Variants in PCDHGB7 observed in about 807,000 individuals in gnomAD.
The protein encoded by PCDHGB7 is protocadherin gamma-B7.
PCDHGB7 carries 37 observed loss-of-function variants against 61.4 expected under a neutral mutation model. The observed-to-expected ratio is 0.60, with a 90% CI of 0.46 to 0.79. PCDHGB7 has a LOEUF of 0.79. Among genes scored for constraint, PCDHGB7 ranks in the 30% least tolerant of loss-of-function variants. The pLI is 0.00. For missense variants in PCDHGB7, 1,166 were observed against 1,202.5 expected (o/e 0.97, Z 0.45); for synonymous variants, 464 against 503.5 (o/e 0.92, Z 1.05).
intron 1 of PCDHGB7, chr5:141,422,676 A>C (rs1245488589): frequency 6.2e-7 from 1 of 1,606,500 alleles, no homozygotes; most frequent in Admixed American, 1.7e-5. Flanking sequence ...CGGACAGCAA[A>C]CAGAATGCCC....
rs1012790217 is a variant in PCDHGB7 at position 141,432,087 on chromosome 5, C to T, written c.2415+11813C>T. On this transcript the variant is annotated intron_variant, in intron 1 of 3. Coordinates refer to ENST00000398594, the MANE Select transcript of PCDHGB7 (RefSeq NM_018927.4). This position sits in a 1 kb window ranked among gnomAD's most constrained non-coding sequence, Gnocchi z 6.0. ...GAAACTCATATCTCGCTGAACGTGG[C>T]AGACACCAACGACAACCCGCCGGTC... is the stretch of plus-strand genomic sequence containing the variant. The T allele has an allele frequency of 2.5e-6, 4 of 1,614,060 alleles. No homozygotes were observed. The African/African-American group carries it at 4.0e-5, about 16-fold the overall frequency.
rs766227340 is a variant in PCDHGB7, at chr5:141,476,791, C to T, written c.2416-18016C>T. On this transcript the variant is annotated intron_variant, in intron 1 of 3. Transcript: ENST00000398594. The surrounding 1 kb of genome is among the most constrained non-coding windows in gnomAD (Gnocchi z 7.6). ...TGGACGGAGGGACCCCAGCTCTCTCCGCCAGCCTGCCTATTCACATCAAGG... is the reference window on the plus strand; with the variant it reads ...TGGACGGAGGGACCCCAGCTCTCTCTGCCAGCCTGCCTATTCACATCAAGG... 5.6e-6 allele frequency: 9 copies of T among 1,613,394 alleles called. No homozygotes were observed. Among genetic ancestry groups the T allele is most frequent in the Middle Eastern group, 1.6e-4 (1 of 6,084 alleles).
Position 141,486,677 on chromosome 5 carries a change from G to A in PCDHGB7, c.2416-8130G>A, listed in dbSNP as rs755512470. ...ACTCCTGGAGCCCAGGAATCGAGATGTATCAGCTTCCTCTTTCATCTCTCT... is the reference window on the plus strand; with the variant it reads ...ACTCCTGGAGCCCAGGAATCGAGATATATCAGCTTCCTCTTTCATCTCTCT... On this transcript the variant is annotated intron_variant, in intron 1 of 3. Transcript: ENST00000398594. This position sits in a 1 kb window ranked among gnomAD's most constrained non-coding sequence, Gnocchi z 5.0. The A allele has an allele frequency of 3.7e-6, 6 of 1,614,060 alleles. No individual in the cohort carries two copies. Among genetic ancestry groups the A allele is most frequent in the Middle Eastern group, 1.6e-4 (1 of 6,062 alleles).
In PCDHGB7 at chr5:141,432,012, A is replaced by G. The variant is rs756906117; in HGVS notation, c.2415+11738A>G. ...TTGGATAGGGAACAGGTTCCTAGCT[A>G]CAACATCACAGTGACCGCCACTGAC... On this transcript the variant is annotated intron_variant, in intron 1 of 3. Transcript: ENST00000398594. The surrounding 1 kb of genome is among the most constrained non-coding windows in gnomAD (Gnocchi z 6.0). The G allele has an allele frequency of 1.1e-5, 18 of 1,614,056 alleles. No homozygotes were observed. The highest frequency in any genetic ancestry group is 1.3e-5 in the Non-Finnish European group (15 of 1,180,008).
chr5:141,456,641 G>A (rs2098873674), intron 1 of PCDHGB7, among the ~76,000 whole-genome samples: 1 of 152,160 alleles, frequency 6.6e-6, no homozygotes, highest in South Asian at 2.1e-4. Context: ...TACTACAGGT[G>A]TTAATCCCAA....
intron 1 of PCDHGB7, among the ~76,000 whole-genome samples, chr5:141,480,866 G>A (rs1329444129): frequency 6.6e-6 from 1 of 152,142 alleles, no homozygotes; most frequent in Non-Finnish European, 1.5e-5. Flanking sequence ...CCAATATGGT[G>A]AAACCCCGTC....
At chr5:141,427,164 C>T (rs1171285271) in intron 1 of PCDHGB7, 1 of 456,682 alleles carries the variant, frequency 2.2e-6, no homozygotes, top group Non-Finnish European at 4.4e-6. Context: ...TGTGCTAGAC[C>T]ATCAAAATGG....
At chr5:141,498,967 GGGAGGGAAGGAAGGAAGGAA>G (rs1464205074) in intron 2 of PCDHGB7, among the ~76,000 whole-genome samples, 5 of 129,584 alleles carry the variant, frequency 3.9e-5, no homozygotes, top group African/African-American at 1.6e-4. Flanking sequence ...GAGGGAGGGA[GGGAGGGAAGGAAGGAAGGAA>G]GGAAGGAAGG....
At position 141,491,566 on chromosome 5, in the gene PCDHGB7, A is replaced by G; in HGVS notation, c.2416-3241A>G. Reference sequence around the variant, plus strand: ...AGACTCGCAGAGCCACTGCTACAGGACGTGCTTTTCACCGGCCTCGGACGG... The same window carrying G: ...AGACTCGCAGAGCCACTGCTACAGGGCGTGCTTTTCACCGGCCTCGGACGG... On this transcript the variant is annotated intron_variant, in intron 1 of 3. Transcript: ENST00000398594. This position sits in a 1 kb window ranked among gnomAD's most constrained non-coding sequence, Gnocchi z 6.9. 1 of 1,613,950 alleles carries G rather than the reference A, an allele frequency of 6.2e-7. No individual in the cohort carries two copies.
rs2096168680 is a variant in PCDHGB7 at position 141,417,840 on chromosome 5, A to G, written c.-20A>G. ...TCTCCAACTGGAAAAGCGGGGACCC[A>G]GCGAGAACCCGAGCGAACGATGGGA... On this transcript the variant is annotated 5_prime_UTR_variant, in exon 1 of 4. Transcript: ENST00000398594. 3 of 1,536,422 alleles carry G rather than the reference A, an allele frequency of 2.0e-6. No homozygotes were observed. Among genetic ancestry groups the G allele is most frequent in the African/African-American group, 2.8e-5 (2 of 72,568 alleles).
chr5:141,511,267 C>A lies in PCDHGB7; in HGVS notation c.*94C>A, dbSNP rs1223074819. The A allele has an allele frequency of 6.5e-7, 1 of 1,549,404 alleles. No individual in the cohort carries two copies. Among genetic ancestry groups the A allele is most frequent in the Non-Finnish European group, 8.7e-7 (1 of 1,146,836 alleles). Reference sequence around the variant, plus strand: ...CCAGGCCTCAGAGTTTCAGGGCTAACCCCCAGAATACTGGTAGGGGCCAAG... The same window carrying A: ...CCAGGCCTCAGAGTTTCAGGGCTAAACCCCAGAATACTGGTAGGGGCCAAG... On this transcript the variant is annotated 3_prime_UTR_variant, in exon 4 of 4. Coordinates refer to ENST00000398594, the MANE Select transcript of PCDHGB7 (RefSeq NM_018927.4).
At chr5:141,500,840 C>G (rs1394248251) in intron 2 of PCDHGB7, among the ~76,000 whole-genome samples, 1 of 151,966 alleles carries the variant, frequency 6.6e-6, no homozygotes, top group Non-Finnish European at 1.5e-5. Context: ...TGCTAATGGG[C>G]TTTTGCTACA....
chr5:141,463,308 A>G (rs1233755540), intron 1 of PCDHGB7, among the ~76,000 whole-genome samples: 1 of 151,660 alleles, frequency 6.6e-6, no homozygotes, highest in Admixed American at 6.6e-5. Context: ...CCAAACTCTA[A>G]TATCTATTCC....
chr5:141,500,445 G>A (rs1319009998), intron 2 of PCDHGB7, among the ~76,000 whole-genome samples: 1 of 151,816 alleles, frequency 6.6e-6, no homozygotes, highest in Non-Finnish European at 1.5e-5. Flanking sequence ...TCCTGACCTC[G>A]TGATCCGCCC....
rs1192896428 is a variant in PCDHGB7 at position 141,419,933 on chromosome 5, C to CTGG, written c.2081_2083dup (p.Val694dup). The CTGG allele has an allele frequency of 6.2e-7, 1 of 1,613,952 alleles. No homozygotes were observed. The highest frequency in any genetic ancestry group is 1.3e-5 in the African/African-American group (1 of 74,940). ...CTCCCAGGCTGAGATGCAGTTTTAC[C>CTGG]TGGTGGTGGCCTTGGCCTTGATTTC... is the stretch of plus-strand genomic sequence containing the variant. On this transcript the variant is annotated inframe_insertion, in exon 1 of 4. Coordinates refer to ENST00000398594, the MANE Select transcript of PCDHGB7 (RefSeq NM_018927.4).
At chr5:141,456,215 C>T (rs1465130067) in intron 1 of PCDHGB7, among the ~76,000 whole-genome samples, 2 of 152,048 alleles carry the variant, frequency 1.3e-5, no homozygotes, top group African/African-American at 2.4e-5. Flanking sequence ...CTCCCTGTGG[C>T]GATATCAAAC....
At chr5:141,421,873 T>G (rs1219669838) in intron 1 of PCDHGB7, 3 of 1,613,592 alleles carry the variant, frequency 1.9e-6, no homozygotes, top group Non-Finnish European at 2.5e-6. Context: ...CCTCACAGCT[T>G]TAGATGGAGG....
Position 141,422,774 on chromosome 5 carries a change from A to G in PCDHGB7, c.2415+2500A>G, listed in dbSNP as rs372343628. On this transcript the variant is annotated intron_variant, in intron 1 of 3. Coordinates refer to ENST00000398594, the MANE Select transcript of PCDHGB7 (RefSeq NM_018927.4). ...ATTAACTCCAACACTGGTGTTCTCT[A>G]TGCCCTACAATCCTTCGACTATGAG... 100 of 1,613,880 alleles carry G rather than the reference A, an allele frequency of 6.2e-5. 1 individual carries two copies. In the Middle Eastern group the frequency reaches 1.3e-3, roughly 21 times the overall value.
chr5:141,482,530 C>CA (rs3074545), intron 1 of PCDHGB7, among the ~76,000 whole-genome samples: 3,839 of 76,186 alleles, frequency 0.05, 137 homozygotes, highest in East Asian at 0.1. Context: ...GACAGACATG[C>CA]AAAAAAAAAA....
Sources: gnomAD v4.1 joint callset for allele counts (sites outside exome capture counted in the v4.1 genomes callset) on GRCh38, gnomAD v4.1.1 for gene constraint, Gnocchi (gnomAD v3.1) non-coding constraint, MANE v1.5 for transcripts, NCBI Gene and HGNC (gene_info 2026-07-23, HGNC 2026-07-21) for gene names.